Variants in PARD3 observed in about 807,000 individuals in gnomAD.
PARD3 encodes partitioning defective 3 homolog.
PARD3 carries 75 observed loss-of-function variants against 155.4 expected under a neutral mutation model. The observed-to-expected ratio is 0.48, with a 90% CI of 0.40 to 0.58. The LOEUF is 0.58. PARD3 is among the 20% of genes least tolerant of loss of function. The probability of loss-of-function intolerance (pLI) is 0.00; values close to 1 mark genes in which losing one functional copy is unlikely to be tolerated. For synonymous variants in PARD3, 576 were observed against 610.5 expected (o/e 0.94, Z 0.83); for missense variants, 1,642 against 1,721.7 (o/e 0.95, Z 0.82).
intron 2 of PARD3, among the ~76,000 whole-genome samples, chr10:34,681,882 AAGTG>A (rs1406148521): frequency 6.8e-6 from 1 of 146,488 alleles, no homozygotes; most frequent in Non-Finnish European, 1.5e-5. Flanking sequence ...TGGCCTCCCA[AAGTG>A]CTGAGATTAT....
chr10:34,188,755 T>C (rs1950586437), intron 22 of PARD3, among the ~76,000 whole-genome samples: 1 of 152,168 alleles, frequency 6.6e-6, no homozygotes, highest in Non-Finnish European at 1.5e-5. Flanking sequence ...TCGCTTTTTT[T>C]TTTTCCAGCA....
chr10:34,525,799 T>C (rs749936493), intron 2 of PARD3, among the ~76,000 whole-genome samples: 2 of 151,864 alleles, frequency 1.3e-5, no homozygotes, highest in Admixed American at 6.6e-5. Flanking sequence ...TAATCAAAAG[T>C]CCACCAGGCA....
At chr10:34,728,148 C>G (rs1245481161) in intron 1 of PARD3, among the ~76,000 whole-genome samples, 1 of 99,330 alleles carries the variant, frequency 1.0e-5, no homozygotes, top group Non-Finnish European at 2.7e-5. Flanking sequence ...AGTAAAAGCC[C>G]TTTATTCTCT....
At chr10:34,236,239 T>C (rs931981564) in intron 22 of PARD3, among the ~76,000 whole-genome samples, 4 of 152,192 alleles carry the variant, frequency 2.6e-5, no homozygotes, top group Admixed American at 2.6e-4. Flanking sequence ...GTCTGTCCAG[T>C]GATATCCATA....
At chr10:34,379,888 T>C (rs7071337) in intron 9 of PARD3, among the ~76,000 whole-genome samples, 2,100 of 152,266 alleles carry the variant, frequency 0.014, 17 homozygotes, top group Non-Finnish European at 0.021. Flanking sequence ...TGTCATGTTA[T>C]ATAACATAGC....
intron 1 of PARD3, among the ~76,000 whole-genome samples, chr10:34,795,516 GT>G (rs1261335357): frequency 2.0e-5 from 3 of 151,990 alleles, no homozygotes; most frequent in African/African-American, 7.3e-5. Context: ...AGGCTGAGAG[GT>G]GGGAGAATCA....
chr10:34,198,094 C>A (rs1034116678), intron 22 of PARD3, among the ~76,000 whole-genome samples: 1 of 152,206 alleles, frequency 6.6e-6, no homozygotes, highest in Non-Finnish European at 1.5e-5. Flanking sequence ...ATTCACATTG[C>A]AGCTTCTAAC....
At chr10:34,465,975 T>G (rs1043376469) in intron 4 of PARD3, among the ~76,000 whole-genome samples, 5 of 152,164 alleles carry the variant, frequency 3.3e-5, no homozygotes, top group Admixed American at 3.3e-4. Context: ...ATGATTTAAG[T>G]ATTCACACCG....
At chr10:34,225,312 GA>G (rs978636861) in intron 22 of PARD3, among the ~76,000 whole-genome samples, 7 of 151,784 alleles carry the variant, frequency 4.6e-5, no homozygotes, top group African/African-American at 1.7e-4. Flanking sequence ...GAGGACAAAT[GA>G]AAGTTCACCA....
intron 1 of PARD3, among the ~76,000 whole-genome samples, chr10:34,709,113 A>AT (rs1329087482): frequency 6.6e-6 from 1 of 151,988 alleles, no homozygotes; most frequent in Non-Finnish European, 1.5e-5. Context: ...TCAGATTTCC[A>AT]TTTTTTTCAG....
chr10:34,451,125 T>C (rs2077032403), intron 4 of PARD3, among the ~76,000 whole-genome samples: 1 of 152,182 alleles, frequency 6.6e-6, no homozygotes, highest in African/African-American at 2.4e-5. Flanking sequence ...ACTAAGTTTT[T>C]AATACTCCCC....
chr10:34,360,397 GA>G, intron 12 of PARD3, 138 bp from the exon 13 acceptor site: 1 of 606,088 alleles, frequency 1.6e-6, no homozygotes, highest in Non-Finnish European at 2.9e-6. Context: ...CAAGATCCAT[GA>G]AAACACTACA....
intron 22 of PARD3, among the ~76,000 whole-genome samples, chr10:34,171,140 T>C (rs947297857): frequency 6.6e-6 from 1 of 152,158 alleles, no homozygotes; most frequent in Non-Finnish European, 1.5e-5. Context: ...TATCCATCCA[T>C]CAAAAAAGAT....
intron 15 of PARD3, among the ~76,000 whole-genome samples, chr10:34,347,260 C>T (rs956027486): frequency 3.9e-5 from 6 of 152,206 alleles, no homozygotes; most frequent in Non-Finnish European, 7.3e-5. Context: ...AGATGAGCAG[C>T]TCAGTAAATC....
intron 5 of PARD3, among the ~76,000 whole-genome samples, chr10:34,411,701 T>C (rs940814873): frequency 6.6e-6 from 1 of 150,640 alleles, no homozygotes; most frequent in African/African-American, 2.4e-5. Flanking sequence ...GTAAATGTTA[T>C]ATGTGTGTAT....
At chr10:34,196,795 T>G (rs138719349) in intron 22 of PARD3, among the ~76,000 whole-genome samples, 122 of 152,098 alleles carry the variant, frequency 8.0e-4, no homozygotes, top group Admixed American at 3.2e-3. Flanking sequence ...GGATGGTCTC[T>G]ATCTCCTGAC....
At chr10:34,265,935 G>T (rs1955281033) in intron 22 of PARD3, among the ~76,000 whole-genome samples, 1 of 152,146 alleles carries the variant, frequency 6.6e-6, no homozygotes, top group African/African-American at 2.4e-5. Context: ...GACTGTGGGG[G>T]TCGGCAAACA....
chr10:34,167,174 T>C (rs1778877), intron 22 of PARD3, among the ~76,000 whole-genome samples: 36,132 of 152,166 alleles, frequency 0.24, 4,459 homozygotes, highest in Middle Eastern at 0.36. Flanking sequence ...TTACCCACAA[T>C]GACCAACTAT....
chr10:34,244,544 C>T (rs917426707), intron 22 of PARD3, among the ~76,000 whole-genome samples: 8 of 152,056 alleles, frequency 5.3e-5, no homozygotes, highest in African/African-American at 1.9e-4. Flanking sequence ...GAAAAAAATG[C>T]AACGTTATCA....
Sources: allele counts gnomAD v4.1 joint callset (sites outside exome capture counted in the v4.1 genomes callset), GRCh38; gene constraint gnomAD v4.1.1; transcripts MANE v1.5; gene names NCBI Gene and HGNC (gene_info 2026-07-23, HGNC 2026-07-21).